PCDHGA8: variants seen among roughly 807,000 people sequenced by gnomAD.
PCDHGA8 encodes the protein protocadherin gamma-A8.
In PCDHGA8, 45 loss-of-function variants were observed where a neutral mutation model predicts 59.2. That is an observed-to-expected ratio of 0.76 (90% CI 0.60 to 0.98). The LOEUF is 0.98. PCDHGA8 is among the 50% of genes least tolerant of loss of function. The pLI, the probability that PCDHGA8 is intolerant of heterozygous loss-of-function variation, is 0.00. For synonymous variants in PCDHGA8, 531 were observed against 519.0 expected (o/e 1.02, Z -0.32); for missense variants, 1,257 against 1,196.2 (o/e 1.05, Z -0.75).
intron 2 of PCDHGA8, among the ~76,000 whole-genome samples, chr5:141,498,260 A>C (rs1044675509): frequency 6.6e-6 from 1 of 152,140 alleles, no homozygotes; most frequent in Non-Finnish European, 1.5e-5. Flanking sequence ...GCTGGTGTTG[A>C]GTTCTTCAGT....
chr5:141,394,777 C>T lies in PCDHGA8; in HGVS notation c.1964C>T (p.Ser655Phe), dbSNP rs2093090848. 5 of 1,613,516 alleles carry T rather than the reference C, an allele frequency of 3.1e-6. No homozygotes were observed. The highest frequency in any genetic ancestry group is 2.7e-5 in the African/African-American group (2 of 74,958). ...AVQDHGQPPL[S>F]ATVTLTVAVA... ...CAGGACCATGGCCAGCCCCCTCTCT[C>T]CGCCACTGTCACGCTCACCGTAGCC... is the stretch of plus-strand genomic sequence containing the variant. Residue 655 changes from serine (S) to phenylalanine (F), a missense_variant, in exon 1 of 4, where the codon TCC (serine) becomes TTC (phenylalanine). Coordinates refer to ENST00000398604, the MANE Select transcript of PCDHGA8 (RefSeq NM_032088.2).
At chr5:141,408,286 C>G (rs751845459) in intron 1 of PCDHGA8, 81 of 1,613,074 alleles carry the variant, frequency 5.0e-5, no homozygotes, top group Non-Finnish European at 6.3e-5. Context: ...TCTACCCCAC[C>G]CTGAGTGAGC....
chr5:141,402,954 T>C, intron 1 of PCDHGA8: 3 of 1,601,320 alleles, frequency 1.9e-6, no homozygotes, highest in Non-Finnish European at 2.6e-6. Context: ...GAGGCAGCAA[T>C]GGCAGCTCCA....
At chr5:141,404,950 C>T (rs2094588760) in intron 1 of PCDHGA8, 2 of 1,613,968 alleles carry the variant, frequency 1.2e-6, no homozygotes, top group East Asian at 4.5e-5. Flanking sequence ...CCATAGCTGA[C>T]AGCATCCCAG....
In PCDHGA8 at chr5:141,491,091, A is replaced by T; in HGVS notation, c.2425-3716A>T. ...TGTTGCCACAGTCCACAGCCCCAGG[A>T]CTGTTCCTCGTGTCTACACACACTG... On this transcript the variant is annotated intron_variant, in intron 1 of 3. Transcript: ENST00000398604. This position sits in a 1 kb window ranked among gnomAD's most constrained non-coding sequence, Gnocchi z 6.9. The T allele has an allele frequency of 6.2e-7, 1 of 1,614,032 alleles. No individual in the cohort carries two copies. Among genetic ancestry groups the T allele is most frequent in the Non-Finnish European group, 8.5e-7 (1 of 1,180,000 alleles).
chr5:141,410,341 G>A (rs759674499), intron 1 of PCDHGA8: 1 of 1,613,992 alleles, frequency 6.2e-7, no homozygotes, highest in Non-Finnish European at 8.5e-7. Context: ...CCATTGCCTT[G>A]CGCCTGCGAC....
intron 1 of PCDHGA8, chr5:141,405,413 T>C: frequency 6.4e-7 from 1 of 1,561,606 alleles, no homozygotes; most frequent in South Asian, 1.2e-5. Context: ...TTTTCTTTTT[T>C]TGTTTTTTGT....
chr5:141,419,824 AGCCACTGCCACGCT>A, intron 1 of PCDHGA8: 1 of 1,614,038 alleles, frequency 6.2e-7, no homozygotes, highest in South Asian at 1.1e-5. Context: ...CACCCCTTTC[AGCCACTGCCACGCT>A]GCACCTGGTG....
At chr5:141,412,934 G>A (rs1232539262) in intron 1 of PCDHGA8, 1 of 453,932 alleles carries the variant, frequency 2.2e-6, no homozygotes, top group African/African-American at 2.0e-5. Context: ...TAACTTCTTA[G>A]GACTCTGAGC....
chr5:141,404,242 G>A (rs372976589), intron 1 of PCDHGA8: 30 of 1,613,344 alleles, frequency 1.9e-5, no homozygotes, highest in Non-Finnish European at 2.4e-5. Flanking sequence ...GAGGAACTCC[G>A]CCCCTGTCCA....
intron 3 of PCDHGA8, 59 bp from the exon 4 acceptor site, chr5:141,510,888 A>C (rs2099883233): frequency 6.2e-7 from 1 of 1,612,646 alleles, no homozygotes. Flanking sequence ...GGGATATAAG[A>C]CAGTGACTGT....
chr5:141,409,831 C>T (rs1015263434), intron 1 of PCDHGA8: 2 of 1,611,128 alleles, frequency 1.2e-6, no homozygotes, highest in Non-Finnish European at 1.7e-6. Flanking sequence ...CCACGCTCAG[C>T]GCCAACGTGA....
intron 1 of PCDHGA8, among the ~76,000 whole-genome samples, chr5:141,452,068 A>G (rs554365813): frequency 1.1e-3 from 160 of 152,308 alleles, no homozygotes; most frequent in Middle Eastern, 6.8e-3. Flanking sequence ...TTCTACTTTT[A>G]TTAGTTGGCA....
chr5:141,478,137 G>A (rs762316494), intron 1 of PCDHGA8: 13 of 1,613,872 alleles, frequency 8.1e-6, no homozygotes, highest in African/African-American at 8.0e-5. Context: ...CCTGAAGCCC[G>A]AGCCGAGTTC....
At chr5:141,408,078 C>G in intron 1 of PCDHGA8, 1 of 1,407,992 alleles carries the variant, frequency 7.1e-7, no homozygotes, top group Non-Finnish European at 9.4e-7. Context: ...CCTTTCCCAG[C>G]ACAGCGGATT....
intron 1 of PCDHGA8, chr5:141,415,222 G>C (rs2095844564): frequency 1.2e-6 from 2 of 1,613,990 alleles, no homozygotes; most frequent in African/African-American, 2.7e-5. Context: ...CGGCAGCTTC[G>C]AGTCTCCAGC....
intron 1 of PCDHGA8, among the ~76,000 whole-genome samples, chr5:141,459,109 C>A (rs1213203625): frequency 6.6e-6 from 1 of 152,174 alleles, no homozygotes; most frequent in Non-Finnish European, 1.5e-5. Context: ...TGCATTTTGA[C>A]AATTGTTTAC....
At chr5:141,505,300 G>A in intron 2 of PCDHGA8, 93 bp from the exon 3 acceptor site, 1 of 1,589,042 alleles carries the variant, frequency 6.3e-7, no homozygotes, top group South Asian at 1.1e-5. Flanking sequence ...GGTAGGGTTA[G>A]GGTACTAGGT....
rs2099416627 is a variant in PCDHGA8 at position 141,477,726 on chromosome 5, C to T, written c.2425-17081C>T. 6.2e-7 allele frequency: 1 copy of T among 1,613,822 alleles called. No homozygotes were observed. The highest frequency in any genetic ancestry group is 8.5e-7 in the Non-Finnish European group (1 of 1,180,020). ...GATCGGCGGGAATTTGAATTAACAG[C>T]TCATATCAGCGATGGGGGCACCCCG... On this transcript the variant is annotated intron_variant, in intron 1 of 3. Coordinates refer to ENST00000398604, the MANE Select transcript of PCDHGA8 (RefSeq NM_032088.2). This position sits in a 1 kb window ranked among gnomAD's most constrained non-coding sequence, Gnocchi z 4.9.
Sources: allele counts gnomAD v4.1 joint callset (sites outside exome capture counted in the v4.1 genomes callset), GRCh38; gene constraint gnomAD v4.1.1; non-coding constraint Gnocchi (gnomAD v3.1); transcripts MANE v1.5; gene names NCBI Gene and HGNC (gene_info 2026-07-23, HGNC 2026-07-21).